The following ADCY2 variants were observed in gnomAD, a reference collection of about 807,000 sequenced individuals.
ADCY2 encodes the protein adenylate cyclase 2, also known as adenylate cyclase type 2.
A neutral mutation model predicts 125.2 loss-of-function variants in ADCY2; 31 were observed. That is an observed-to-expected ratio of 0.25 (90% CI 0.19 to 0.33). The LOEUF is 0.33. ADCY2 is among the 10% of genes least tolerant of loss of function. The probability of loss-of-function intolerance (pLI) is 1.00; values close to 1 mark genes in which losing one functional copy is unlikely to be tolerated. For missense variants in ADCY2, 904 were observed against 1,418.2 expected (o/e 0.64, Z 5.82); for synonymous variants, 512 against 548.4 (o/e 0.93, Z 0.93).
chr5:7,766,306 G>T (rs529861950), intron 16 of ADCY2, among the ~76,000 whole-genome samples: 1 of 152,218 alleles, frequency 6.6e-6, no homozygotes, highest in South Asian at 2.1e-4. Context: ...CAAAGATACT[G>T]GGGGGAAAAA....
chr5:7,727,345 T>C, intron 14 of ADCY2, 84 bp downstream of exon 14: 1 of 1,156,260 alleles, frequency 8.6e-7, no homozygotes, highest in Non-Finnish European at 1.3e-6. Flanking sequence ...TGTGAAAGGA[T>C]GCTAATGTTT....
intron 20 of ADCY2, chr5:7,801,884 A>C (rs1579453148): frequency 4.7e-6 from 1 of 212,142 alleles, no homozygotes; most frequent in Non-Finnish European, 9.4e-6. Flanking sequence ...AGTTTGGGAA[A>C]TTATTTTGTT....
At chr5:7,489,187 C>T (rs989778967) in intron 2 of ADCY2, among the ~76,000 whole-genome samples, 13 of 152,228 alleles carry the variant, frequency 8.5e-5, no homozygotes, top group Admixed American at 1.3e-4. Context: ...TCCAAAATTA[C>T]GCATCTGAGT....
intron 16 of ADCY2, among the ~76,000 whole-genome samples, chr5:7,759,240 C>T (rs1273898661): frequency 6.6e-6 from 1 of 152,166 alleles, no homozygotes; most frequent in Admixed American, 6.5e-5. Context: ...GCCTGTGTGT[C>T]CCAGCTCCAT....
intron 14 of ADCY2, among the ~76,000 whole-genome samples, chr5:7,729,750 G>A (rs1742040757): frequency 6.7e-6 from 1 of 148,258 alleles, no homozygotes; most frequent in South Asian, 2.1e-4. Flanking sequence ...TACTATTAAA[G>A]TTCATAGAAT....
chr5:7,397,881 G>A (rs542738843), intron 1 of ADCY2, among the ~76,000 whole-genome samples: 6 of 152,170 alleles, frequency 3.9e-5, no homozygotes, highest in African/African-American at 1.2e-4. Flanking sequence ...ATAGGAGTCC[G>A]GAGAAACCCT....
chr5:7,453,513 A>G (rs1741549922), intron 2 of ADCY2, among the ~76,000 whole-genome samples: 1 of 151,854 alleles, frequency 6.6e-6, no homozygotes, highest in Admixed American at 6.5e-5. Context: ...CCTCCTCAGA[A>G]GAAAGAATTC....
chr5:7,654,911 A>G (rs948076541), intron 4 of ADCY2, among the ~76,000 whole-genome samples: 2 of 152,200 alleles, frequency 1.3e-5, no homozygotes, highest in Admixed American at 1.3e-4. Flanking sequence ...AAATGCAAAT[A>G]AGCATTGCCT....
chr5:7,396,558 G>A lies in ADCY2; in HGVS notation c.210+52G>A, dbSNP rs1202269292. 2.7e-6 allele frequency: 4 copies of A among 1,476,192 alleles called. No individual in the cohort carries two copies. The highest frequency in any genetic ancestry group is 9.0e-7 in the Non-Finnish European group (1 of 1,112,818). 91.4% of individuals were successfully genotyped at this position (1,476,192 alleles called of 1,614,324 possible). A position where few individuals can be genotyped will look rare whatever the true frequency, so the allele number is the denominator to read the frequency against. ...GCCGCGCCTTCCCCGGCCCTGAGAG[G>A]AGCCCGGCCAGCCGAGCCGCGTCCC... is the stretch of plus-strand genomic sequence containing the variant. On this transcript the variant is annotated intron_variant, in intron 1 of 24. Transcript: ENST00000338316. The surrounding 1 kb of genome is among the most constrained non-coding windows in gnomAD (Gnocchi z 5.7).
At chr5:7,639,112 G>A (rs1001318112) in intron 4 of ADCY2, among the ~76,000 whole-genome samples, 13 of 152,074 alleles carry the variant, frequency 8.5e-5, no homozygotes, top group Non-Finnish European at 1.3e-4. Flanking sequence ...GCCCAGTCTC[G>A]GGTATGTGTT....
At position 7,709,431 on chromosome 5, in the gene ADCY2, C is replaced by T; in HGVS notation, c.1578+44C>T. On this transcript the variant is annotated intron_variant, in intron 10 of 24. Coordinates refer to ENST00000338316, the MANE Select transcript of ADCY2 (RefSeq NM_020546.3). The surrounding 1 kb of genome is among the most constrained non-coding windows in gnomAD (Gnocchi z 4.4). Reference sequence around the variant, plus strand: ...CCAATGCCTGAGCACTGGGGGAAAGCTAACTTCCCAAAACCAAAGGCTGGG... The same window carrying T: ...CCAATGCCTGAGCACTGGGGGAAAGTTAACTTCCCAAAACCAAAGGCTGGG... The T allele has an allele frequency of 6.6e-7, 1 of 1,504,238 alleles. No individual in the cohort carries two copies. The highest frequency in any genetic ancestry group is 8.9e-7 in the Non-Finnish European group (1 of 1,126,852). The allele number at this position is 1,504,238 out of a possible 1,614,324, so 93.2% of individuals were successfully genotyped here.
At chr5:7,719,630 A>G (rs771748689) in intron 12 of ADCY2, among the ~76,000 whole-genome samples, 2 of 152,214 alleles carry the variant, frequency 1.3e-5, no homozygotes, top group Non-Finnish European at 2.9e-5. Context: ...TGATGTCACC[A>G]TCTGCTCAGT....
intron 3 of ADCY2, among the ~76,000 whole-genome samples, chr5:7,586,092 A>T (rs549676365): frequency 6.6e-6 from 1 of 152,344 alleles, no homozygotes; most frequent in Non-Finnish European, 1.5e-5. Context: ...CTTGTATTCT[A>T]GTAACTGGTA....
At chr5:7,658,888 G>T (rs181101612) in intron 4 of ADCY2, among the ~76,000 whole-genome samples, 1 of 152,002 alleles carries the variant, frequency 6.6e-6, no homozygotes, top group East Asian at 1.9e-4. Context: ...TTTTTCGAAG[G>T]CCTTGAACAC....
intron 18 of ADCY2, among the ~76,000 whole-genome samples, chr5:7,779,977 C>T (rs2126491931): frequency 6.6e-6 from 1 of 152,288 alleles, no homozygotes; most frequent in East Asian, 1.9e-4. Flanking sequence ...CCATACTTTA[C>T]CAGCCAGCCA....
chr5:7,671,434 G>A (rs867723354), intron 4 of ADCY2, among the ~76,000 whole-genome samples: 5 of 152,166 alleles, frequency 3.3e-5, no homozygotes, highest in African/African-American at 9.7e-5. Context: ...AATGATGCTC[G>A]AGTGAGCATG....
At chr5:7,712,016 A>G (rs551064969) in intron 10 of ADCY2, among the ~76,000 whole-genome samples, 1 of 152,298 alleles carries the variant, frequency 6.6e-6, no homozygotes, top group South Asian at 2.1e-4. Context: ...ACAGAACTCC[A>G]TTCACTCTTG....
chr5:7,542,764 T>TA (rs1339053171), intron 3 of ADCY2, among the ~76,000 whole-genome samples: 1 of 152,218 alleles, frequency 6.6e-6, no homozygotes, highest in East Asian at 1.9e-4. Context: ...AAACTGATTG[T>TA]AAGTGTCAAT....
At chr5:7,784,273 GA>G in intron 18 of ADCY2, 91 bp from the exon 19 acceptor site, 1 of 924,368 alleles carries the variant, frequency 1.1e-6, no homozygotes, top group Non-Finnish European at 1.8e-6. Context: ...AGGCACTAGA[GA>G]ATCTGATATT....
Sources: gnomAD v4.1 joint callset for allele counts (sites outside exome capture counted in the v4.1 genomes callset) on GRCh38, gnomAD v4.1.1 for gene constraint, Gnocchi (gnomAD v3.1) non-coding constraint, MANE v1.5 for transcripts, NCBI Gene and HGNC (gene_info 2026-07-23, HGNC 2026-07-21) for gene names.